Variants in YME1L1 observed in about 807,000 individuals in gnomAD.
The protein encoded by YME1L1 is ATP-dependent zinc metalloprotease YME1L1.
A neutral mutation model predicts 90.4 loss-of-function variants in YME1L1; 39 were observed. The ratio of observed to expected loss-of-function variants is 0.43; its 90% CI spans 0.33 to 0.56. The LOEUF is 0.56. YME1L1 is among the 20% of genes least tolerant of loss of function. The probability of loss-of-function intolerance (pLI) is 0.03; values close to 1 mark genes in which losing one functional copy is unlikely to be tolerated. For synonymous variants in YME1L1, 284 were observed against 287.3 expected (o/e 0.99, Z 0.12); for missense variants, 617 against 868.4 (o/e 0.71, Z 3.64).
At chr10:27,118,046 C>G (rs2056831237) in intron 14 of YME1L1, among the ~76,000 whole-genome samples, 1 of 152,168 alleles carries the variant, frequency 6.6e-6, no homozygotes, top group Non-Finnish European at 1.5e-5. Flanking sequence ...TTGAGCATCC[C>G]TGAATTTTGG....
At chr10:27,147,374 C>A in intron 2 of YME1L1, 1 of 1,534,636 alleles carries the variant, frequency 6.5e-7, no homozygotes, top group Non-Finnish European at 9.0e-7. Context: ...AGAAACTAGA[C>A]TGGATGAGAG....
At chr10:27,116,380 G>A in intron 15 of YME1L1, 35 bp from the exon 16 acceptor site, 1 of 1,609,872 alleles carries the variant, frequency 6.2e-7, no homozygotes, top group Non-Finnish European at 8.5e-7. Flanking sequence ...TAAAAAATAA[G>A]CAAAGAGGCT....
intron 8 of YME1L1, among the ~76,000 whole-genome samples, chr10:27,130,303 T>G (rs780513755): frequency 6.6e-6 from 1 of 152,178 alleles, no homozygotes; most frequent in Non-Finnish European, 1.5e-5. Context: ...TTGTGAACCT[T>G]CAAGTAAGTG....
chr10:27,151,875 C>T (rs1282166679), intron 1 of YME1L1, among the ~76,000 whole-genome samples: 1 of 142,122 alleles, frequency 7.0e-6, no homozygotes, highest in Non-Finnish European at 1.5e-5. Flanking sequence ...AGCGAGACTC[C>T]ATCTTAAAAA....
intron 15 of YME1L1, 51 bp downstream of exon 15, chr10:27,117,525 G>A (rs373281224): frequency 2.3e-4 from 368 of 1,582,130 alleles, no homozygotes; most frequent in Non-Finnish European, 2.9e-4. Context: ...CTGAGATCGC[G>A]CCATTGCACT....
rs137928541 is a variant in YME1L1 at position 27,117,428 on chromosome 10, C to T, written c.1719+148G>A. On this transcript the variant is annotated intron_variant, in intron 15 of 18. Coordinates refer to ENST00000376016, the MANE Select transcript of YME1L1 (RefSeq NM_014263.4). Reference sequence around the variant, plus strand: ...ACTAAAATTACAAAAATTAGCTGGGCGTGGTGGTGGGCACCTGTAATCCCA... The same window carrying T: ...ACTAAAATTACAAAAATTAGCTGGGTGTGGTGGTGGGCACCTGTAATCCCA... 9.4e-3 allele frequency: 7,309 copies of T among 775,200 alleles called. 43 individuals carry two copies. The highest frequency in any genetic ancestry group is 0.012 in the Non-Finnish European group (5,891 of 496,444). 48.0% of individuals were successfully genotyped at this position (775,200 alleles called of 1,614,324 possible). A position where few individuals can be genotyped will look rare whatever the true frequency, so the allele number is the denominator to read the frequency against.
rs753238146 is a variant in YME1L1, at chr10:27,117,584, G to C, written c.1711C>G (p.Leu571Val). The C allele has an allele frequency of 1.5e-5, 24 of 1,613,538 alleles. No individual in the cohort carries two copies. The Admixed American group carries it at 4.0e-4, about 27-fold the overall frequency. The change falls in exon 15 of 19, where the codon CTT becomes GTT. Residue 571 changes from leucine (L) to valine (V), a missense_variant. Transcript: ENST00000376016. Reference protein sequence around the residue: ...KATIMPRGPTLGHVSLLPEND... With the variant: ...KATIMPRGPTVGHVSLLPEND... The stretch of plus-strand genomic sequence containing the variant: ...CACTACAAAAAACTTACATGTCCAA[G>C]TGTTGGCCCCCGTGGCATGATTGTA...
At chr10:27,127,147 C>G (rs1214268315) in intron 8 of YME1L1, among the ~76,000 whole-genome samples, 2 of 152,126 alleles carry the variant, frequency 1.3e-5, no homozygotes, top group Non-Finnish European at 2.9e-5. Context: ...CTGAAAATGT[C>G]CAATTAATGT....
Position 27,136,295 on chromosome 10 carries a change from A to G in YME1L1, c.521T>C (p.Ile174Thr). Reference sequence around the variant, plus strand: ...AATTACCTTCACGAATGATGGCGCTATATTCTGTGTTTCAGCTAATCTCTC... The same window carrying G: ...AATTACCTTCACGAATGATGGCGCTGTATTCTGTGTTTCAGCTAATCTCTC... ...TSERLAETQN[I>T]APSFVKGFLL... Residue 174 changes from isoleucine to threonine, a missense_variant, in exon 5 of 19, where the codon ATA becomes ACA. Around this residue, in one of 4 missense-constraint regions of YME1L1, gnomAD observed 311 missense variants for 335.8 expected, o/e 0.93. Transcript: ENST00000376016. The G allele has an allele frequency of 1.2e-6, 2 of 1,613,078 alleles. No homozygotes were observed. The highest frequency in any genetic ancestry group is 1.3e-5 in the African/African-American group (1 of 74,870).
chr10:27,127,476 T>C (rs2056932422), intron 8 of YME1L1, among the ~76,000 whole-genome samples: 1 of 152,128 alleles, frequency 6.6e-6, no homozygotes, highest in Non-Finnish European at 1.5e-5. Context: ...AAACTAGAAA[T>C]AAATGTCCAC....
intron 8 of YME1L1, chr10:27,129,103 A>C (rs955598507): frequency 2.7e-5 from 4 of 150,930 alleles, no homozygotes; most frequent in East Asian, 2.1e-4. Flanking sequence ...AAAAAAAAAA[A>C]AAAAAAAAAA....
chr10:27,132,079 G>A, intron 7 of YME1L1, 138 bp from the exon 8 acceptor site: 1 of 628,960 alleles, frequency 1.6e-6, no homozygotes. Flanking sequence ...ATCAGAGTGA[G>A]GAATAGAAAC....
chr10:27,147,645 C>G, intron 2 of YME1L1: 1 of 1,551,818 alleles, frequency 6.4e-7, no homozygotes, highest in Non-Finnish European at 8.7e-7. Context: ...TGTTAAGCTT[C>G]GTCAGGAAGT....
rs767753267 is a variant in YME1L1, at chr10:27,136,323, A to C, written c.493T>G (p.Ser165Ala). Residue 165 changes from serine to alanine, a missense_variant, in exon 5 of 19, where the codon TCC becomes GCC. Coordinates refer to ENST00000376016, the MANE Select transcript of YME1L1 (RefSeq NM_014263.4). ...KSRTRRLQSTSERLAETQNIA... is the reference protein window; with the variant it reads ...KSRTRRLQSTAERLAETQNIA... ...TTCTGTGTTTCAGCTAATCTCTCGG[A>C]GGTAGACTGGAGACGTCGTGTCCTT... 8.1e-6 allele frequency: 13 copies of C among 1,613,822 alleles called. No homozygotes were observed. The highest frequency in any genetic ancestry group is 1.3e-5 in the African/African-American group (1 of 74,862).
At chr10:27,123,402 C>A in intron 10 of YME1L1, 145 bp downstream of exon 10, 1 of 903,634 alleles carries the variant, frequency 1.1e-6, no homozygotes, top group South Asian at 1.8e-5. Flanking sequence ...AACTATCAAT[C>A]AAAACTAATT....
At chr10:27,134,428 A>G (rs866528892) in intron 6 of YME1L1, among the ~76,000 whole-genome samples, 82 of 152,312 alleles carry the variant, frequency 5.4e-4, no homozygotes, top group African/African-American at 1.9e-3. Flanking sequence ...CACAAAAATT[A>G]GCTGGGCGTG....
chr10:27,117,443 C>A, intron 15 of YME1L1, 133 bp downstream of exon 15: 1 of 948,916 alleles, frequency 1.1e-6, no homozygotes, highest in Middle Eastern at 3.4e-4. Context: ...TGGTGGGCAC[C>A]TGTAATCCCA....
chr10:27,117,821 C>T (rs1588583922), intron 14 of YME1L1, 94 bp from the exon 15 acceptor site: 1 of 1,289,998 alleles, frequency 7.8e-7, no homozygotes, highest in East Asian at 2.4e-5. Context: ...ACACTCCACC[C>T]TTCCTATCAG....
At position 27,136,259 on chromosome 10, in the gene YME1L1, T is replaced by C; in HGVS notation, c.540+17A>G. ...TTGAAAATATTTGCTTTTTGGATCA[T>C]AAAAAGGTCTAATTACCTTCACGAA... On this transcript the variant is annotated intron_variant, in intron 5 of 18. Transcript: ENST00000376016. 6.3e-7 allele frequency: 1 copy of C among 1,597,014 alleles called. No individual in the cohort carries two copies. Among genetic ancestry groups the C allele is most frequent in the Non-Finnish European group, 8.5e-7 (1 of 1,171,126 alleles).
Sources: allele counts gnomAD v4.1 joint callset (sites outside exome capture counted in the v4.1 genomes callset), GRCh38; gene constraint gnomAD v4.1.1; regional missense constraint gnomAD v4.1.1; transcripts MANE v1.5; gene names NCBI Gene and HGNC (gene_info 2026-07-23, HGNC 2026-07-21).